The following FARP1 variants were observed in gnomAD, a reference collection of about 807,000 sequenced individuals.
The protein encoded by FARP1 is FERM, ARH/RhoGEF and pleckstrin domain protein 1, also known as FERM, ARHGEF and pleckstrin domain-containing protein 1.
A neutral mutation model predicts 128.8 loss-of-function variants in FARP1; 52 were observed. The ratio of observed to expected loss-of-function variants is 0.40; its 90% CI spans 0.32 to 0.51. The LOEUF is 0.51. Ranked by LOEUF, FARP1 falls within the 20% of genes least tolerant of loss-of-function variation. The pLI, the probability that FARP1 is intolerant of heterozygous loss-of-function variation, is 0.45. For missense variants in FARP1, 1,333 were observed against 1,367.9 expected (o/e 0.97, Z 0.40); for synonymous variants, 580 against 551.8 (o/e 1.05, Z -0.72).
chr13:98,404,122 G>T, intron 13 of FARP1: 1 of 152,360 alleles, frequency 6.6e-6, no homozygotes, highest in South Asian at 2.0e-4. Context: ...GTAAGAACAA[G>T]GTAGCACATT....
chr13:98,314,382 C>T (rs1465329002), intron 2 of FARP1, among the ~76,000 whole-genome samples: 1 of 143,406 alleles, frequency 7.0e-6, no homozygotes, highest in Non-Finnish European at 1.5e-5. Context: ...CGGGTTCAAG[C>T]GATTCTCCTG....
intron 2 of FARP1, among the ~76,000 whole-genome samples, chr13:98,238,744 G>T (rs1302182518): frequency 6.6e-6 from 1 of 152,146 alleles, no homozygotes; most frequent in African/African-American, 2.4e-5. Flanking sequence ...GGAAGTATGG[G>T]AACTACAATT....
intron 1 of FARP1, among the ~76,000 whole-genome samples, chr13:98,169,586 C>G (rs994685597): frequency 6.6e-6 from 1 of 152,158 alleles, no homozygotes; most frequent in African/African-American, 2.4e-5. Context: ...CAACAAGAAA[C>G]TTTAAGGCAT....
chr13:98,257,425 C>G (rs925525845), intron 2 of FARP1, among the ~76,000 whole-genome samples: 1 of 151,664 alleles, frequency 6.6e-6, no homozygotes, highest in Non-Finnish European at 1.5e-5. Flanking sequence ...TCATTCTGTA[C>G]GCCCTTCTTT....
In FARP1 at chr13:98,452,205, G is replaced by C. The variant is rs960362195; in HGVS notation, c.*3888G>C. ...TTGTGTAAGCATTCAGACATTTTTA[G>C]GTGGGAAAGATGATATGCAGAATCC... On this transcript the variant is annotated 3_prime_UTR_variant, in exon 27 of 27. Transcript: ENST00000319562. 1 of 152,184 alleles carries C rather than the reference G, an allele frequency of 6.6e-6. No homozygotes were observed. The highest frequency in any genetic ancestry group is 1.5e-5 in the Non-Finnish European group (1 of 68,036). 9.4% of individuals were successfully genotyped at this position (152,184 alleles called of 1,614,324 possible). A position where few individuals can be genotyped will look rare whatever the true frequency, so the allele number is the denominator to read the frequency against.
chr13:98,356,399 G>C (rs1460033133), intron 3 of FARP1, among the ~76,000 whole-genome samples: 1 of 151,908 alleles, frequency 6.6e-6, no homozygotes, highest in Non-Finnish European at 1.5e-5. Context: ...AACTAAAAAA[G>C]GTACAGTAAA....
At chr13:98,296,522 C>CCT (rs1555334988) in intron 2 of FARP1, among the ~76,000 whole-genome samples, 8 of 148,284 alleles carry the variant, frequency 5.4e-5, no homozygotes, top group African/African-American at 1.7e-4. Flanking sequence ...GGACCCCCCG[C>CCT]TCTTCATGCA....
intron 2 of FARP1, among the ~76,000 whole-genome samples, chr13:98,337,496 A>G (rs1467082939): frequency 6.6e-6 from 1 of 151,304 alleles, no homozygotes; most frequent in Non-Finnish European, 1.5e-5. Context: ...TGATGCCTAG[A>G]TAAGTGGGTT....
intron 2 of FARP1, among the ~76,000 whole-genome samples, chr13:98,302,905 G>T (rs575615597): frequency 6.6e-6 from 1 of 152,174 alleles, no homozygotes; most frequent in African/African-American, 2.4e-5. Flanking sequence ...AGGCCCCAAC[G>T]AGGAGAGCTC....
At chr13:98,173,645 G>C (rs1877797284) in intron 1 of FARP1, among the ~76,000 whole-genome samples, 1 of 152,216 alleles carries the variant, frequency 6.6e-6, no homozygotes, top group Admixed American at 6.5e-5. Context: ...GATTCCGAAG[G>C]ACTTATTGAC....
At chr13:98,446,854 A>C (rs1892874881) in intron 26 of FARP1, 37 bp downstream of exon 26, 4 of 1,607,708 alleles carry the variant, frequency 2.5e-6, no homozygotes, top group Middle Eastern at 1.7e-4. Flanking sequence ...GCCCTGCAGA[A>C]GAGGACCCCC....
Position 98,190,886 on chromosome 13 carries a change from A to C in FARP1, c.-23-22334A>C, listed in dbSNP as rs77225339. Reference sequence around the variant, plus strand: ...AAGTAGATCTATGAGTGATCATTCCATGATTTTCTTTTTTAAAATAAAAAC... The same window carrying C: ...AAGTAGATCTATGAGTGATCATTCCCTGATTTTCTTTTTTAAAATAAAAAC... On this transcript the variant is annotated intron_variant, in intron 1 of 26. Coordinates refer to ENST00000319562, the MANE Select transcript of FARP1 (RefSeq NM_005766.4). Among the ~76,000 whole-genome samples, 534 of 152,182 alleles carry C rather than the reference A, an allele frequency of 3.5e-3. 6 individuals carry two copies. Among genetic ancestry groups the C allele is most frequent in the African/African-American group, 0.012 (513 of 41,508 alleles).
rs867124766 is a variant in FARP1, at chr13:98,149,918, T to G, written c.-24+6426T>G. On this transcript the variant is annotated intron_variant, in intron 1 of 26. Transcript: ENST00000319562. ...ATGCCCGGCTAATTTTTTGTATTTT[T>G]AGTAGAGACAGGGTTTCACCATGTT... is the stretch of plus-strand genomic sequence containing the variant. 8.6e-5 allele frequency among the ~76,000 whole-genome samples: 13 copies of G among 151,560 alleles called. No homozygotes were observed. The South Asian group carries it at 1.3e-3, about 15-fold the overall frequency.
intron 2 of FARP1, among the ~76,000 whole-genome samples, chr13:98,313,284 G>A (rs1328765877): frequency 8.1e-6 from 1 of 123,638 alleles, no homozygotes; most frequent in Non-Finnish European, 1.7e-5. Context: ...CTCTGGAATC[G>A]GGTGGGTCAT....
intron 17 of FARP1, among the ~76,000 whole-genome samples, chr13:98,427,371 C>T (rs530879495): frequency 6.6e-6 from 1 of 152,336 alleles, no homozygotes; most frequent in South Asian, 2.1e-4. Context: ...CCCATCTTTT[C>T]CCTCGTTTCA....
At chr13:98,300,571 T>TACAGAGG (rs1885882343) in intron 2 of FARP1, among the ~76,000 whole-genome samples, 1 of 152,214 alleles carries the variant, frequency 6.6e-6, no homozygotes, top group Non-Finnish European at 1.5e-5. Context: ...AAAAGGGTCT[T>TACAGAGG]GCCTTCTGAC....
intron 2 of FARP1, among the ~76,000 whole-genome samples, chr13:98,273,173 T>C (rs1319992141): frequency 6.6e-6 from 1 of 152,312 alleles, no homozygotes; most frequent in East Asian, 1.9e-4. Context: ...TATAGGTGGA[T>C]TCAGAGATTC....
intron 6 of FARP1, among the ~76,000 whole-genome samples, chr13:98,379,179 T>A (rs868321861): frequency 4.9e-5 from 4 of 81,578 alleles, no homozygotes; most frequent in Admixed American, 3.1e-4. Flanking sequence ...AATCTATATA[T>A]AATATATATA....
intron 2 of FARP1, among the ~76,000 whole-genome samples, chr13:98,337,763 T>A (rs1218264007): frequency 6.6e-6 from 1 of 152,298 alleles, no homozygotes; most frequent in Non-Finnish European, 1.5e-5. Flanking sequence ...TTGTGGCTCT[T>A]GAATCTATCT....
Sources: allele counts gnomAD v4.1 joint callset (sites outside exome capture counted in the v4.1 genomes callset), GRCh38; gene constraint gnomAD v4.1.1; transcripts MANE v1.5; gene names NCBI Gene and HGNC (gene_info 2026-07-23, HGNC 2026-07-21).